The following RTF1 variants were observed in gnomAD, a reference collection of about 807,000 sequenced individuals.
RTF1 encodes the protein RNA polymerase-associated protein RTF1 homolog.
RTF1 carries 10 observed loss-of-function variants against 95.7 expected under a neutral mutation model. The ratio of observed to expected loss-of-function variants is 0.10; its 90% CI spans 0.06 to 0.18. The LOEUF is 0.18. Among genes scored for constraint, RTF1 ranks in the 10% least tolerant of loss-of-function variants. RTF1 has a pLI of 1.00. For synonymous variants in RTF1, 305 were observed against 311.8 expected (o/e 0.98, Z 0.23); for missense variants, 458 against 875.6 (o/e 0.52, Z 6.02).
chr15:41,428,672 A>G (rs1021254722), intron 1 of RTF1, among the ~76,000 whole-genome samples: 1 of 151,674 alleles, frequency 6.6e-6, no homozygotes, highest in Non-Finnish European at 1.5e-5. Context: ...TCCTGGCTTC[A>G]AGTGATCCTC....
intron 2 of RTF1, among the ~76,000 whole-genome samples, chr15:41,446,156 T>C (rs574800464): frequency 7.2e-4 from 110 of 152,304 alleles, no homozygotes; most frequent in African/African-American, 2.5e-3. Flanking sequence ...TATAGAACTT[T>C]TCTTATGATT....
chr15:41,468,410 T>C lies in RTF1; in HGVS notation c.890-1847T>C, dbSNP rs375956955. On this transcript the variant is annotated intron_variant, in intron 6 of 17. Transcript: ENST00000389629. Reference sequence around the variant, plus strand: ...TCGGCTCACTGCAAGCTCCGCCTCCTGGGTTCACACCATTCTCCTGCCTCA... The same window carrying C: ...TCGGCTCACTGCAAGCTCCGCCTCCCGGGTTCACACCATTCTCCTGCCTCA... Among the ~76,000 whole-genome samples, 928 of 151,788 alleles carry C rather than the reference T, an allele frequency of 6.1e-3. 6 individuals carry two copies. Among genetic ancestry groups the C allele is most frequent in the African/African-American group, 0.012 (494 of 41,392 alleles).
intron 16 of RTF1, among the ~76,000 whole-genome samples, chr15:41,479,815 A>G (rs2050961272): frequency 6.7e-6 from 1 of 149,882 alleles, no homozygotes; most frequent in African/African-American, 2.5e-5. Flanking sequence ...GTGAGCCAAG[A>G]TTGCACCGTT....
intron 2 of RTF1, among the ~76,000 whole-genome samples, chr15:41,442,487 G>T (rs1252767236): frequency 6.6e-6 from 1 of 151,794 alleles, no homozygotes; most frequent in Non-Finnish European, 1.5e-5. Flanking sequence ...GTCTTTCGTG[G>T]GTGAAAAAAC....
At chr15:41,443,567 G>A (rs933341840) in intron 2 of RTF1, among the ~76,000 whole-genome samples, 1 of 151,110 alleles carries the variant, frequency 6.6e-6, no homozygotes, top group Non-Finnish European at 1.5e-5. Flanking sequence ...GTGAAAAGGA[G>A]GGGAGCTAGC....
intron 4 of RTF1, among the ~76,000 whole-genome samples, chr15:41,459,966 A>G (rs1212511692): frequency 6.6e-6 from 1 of 152,180 alleles, no homozygotes; most frequent in Non-Finnish European, 1.5e-5. Context: ...GGAGAATAGA[A>G]GCATTTTCTT....
rs1342198809 is a variant in RTF1, at chr15:41,481,392, T to C, written c.*705T>C. 1.3e-5 allele frequency: 2 copies of C among 152,600 alleles called. No homozygotes were observed. Among genetic ancestry groups the C allele is most frequent in the Admixed American group, 6.5e-5 (1 of 15,276 alleles). The allele number at this position is 152,600 out of a possible 1,614,324, so 9.5% of individuals were successfully genotyped here. A position where few individuals can be genotyped will look rare whatever the true frequency, so the allele number is the denominator to read the frequency against. On this transcript the variant is annotated 3_prime_UTR_variant, in exon 18 of 18. Transcript: ENST00000389629. ...TGTTTCAGATTTTTTTCAGCTGTAC[T>C]TGAGCATCTGAAACTGCAAGAAAGA... is the stretch of plus-strand genomic sequence containing the variant.
At chr15:41,463,797 A>G (rs754265795) in intron 4 of RTF1, among the ~76,000 whole-genome samples, 12 of 151,034 alleles carry the variant, frequency 7.9e-5, no homozygotes, top group Non-Finnish European at 1.3e-4. Context: ...TTTTGTGATA[A>G]TAGCTATCCT....
chr15:41,459,999 A>T (rs150410036), intron 4 of RTF1, among the ~76,000 whole-genome samples: 31 of 152,190 alleles, frequency 2.0e-4, no homozygotes, highest in African/African-American at 7.2e-4. Flanking sequence ...GTTCCTTTTC[A>T]TCTGGGAGTT....
chr15:41,434,898 A>T (rs1241994281), intron 1 of RTF1, among the ~76,000 whole-genome samples: 1 of 151,326 alleles, frequency 6.6e-6, no homozygotes, highest in Non-Finnish European at 1.5e-5. Context: ...AAGTTCTGGG[A>T]TTACAGGCGT....
intron 4 of RTF1, 40 bp downstream of exon 4, chr15:41,457,916 C>T (rs757350562): frequency 6.6e-7 from 1 of 1,521,930 alleles, no homozygotes. Context: ...CCGCCCCCAC[C>T]TTTTCTGTTC....
At chr15:41,462,611 A>T (rs2054111165) in intron 4 of RTF1, among the ~76,000 whole-genome samples, 1 of 152,190 alleles carries the variant, frequency 6.6e-6, no homozygotes, top group South Asian at 2.1e-4. Context: ...TGGTTTTTAT[A>T]TGTCCACAGA....
chr15:41,447,845 G>A (rs2050771207), intron 2 of RTF1, among the ~76,000 whole-genome samples: 1 of 152,154 alleles, frequency 6.6e-6, no homozygotes, highest in African/African-American at 2.4e-5. Flanking sequence ...TTATAACAGA[G>A]CTTACCTTTC....
At chr15:41,467,638 C>T (rs546984154) in intron 6 of RTF1, among the ~76,000 whole-genome samples, 1 of 151,960 alleles carries the variant, frequency 6.6e-6, no homozygotes. Context: ...TCCCTTGAAC[C>T]CGGGAGACGG....
At chr15:41,420,555 C>T (rs1339936321) in intron 1 of RTF1, among the ~76,000 whole-genome samples, 1 of 151,950 alleles carries the variant, frequency 6.6e-6, no homozygotes. Flanking sequence ...GCGTATGGTA[C>T]TTGTGGAAGG....
intron 1 of RTF1, among the ~76,000 whole-genome samples, chr15:41,434,771 G>A (rs1055081480): frequency 4.6e-5 from 7 of 151,800 alleles, no homozygotes; most frequent in Non-Finnish European, 8.8e-5. Flanking sequence ...GGGATTACAG[G>A]CGCACATCAC....
Position 41,476,388 on chromosome 15 carries a change from C to T in RTF1, c.1483-58C>T. The T allele has an allele frequency of 2.1e-6, 3 of 1,457,464 alleles. No homozygotes were observed. In the South Asian group the frequency reaches 3.4e-5, roughly 17 times the overall value. 90.3% of individuals were successfully genotyped at this position (1,457,464 alleles called of 1,614,324 possible). ...TTGCATCCAAAATGGGCTCACTTAG[C>T]CTGTCTACAAAAATAGCTTAGGAAT... On this transcript the variant is annotated intron_variant, in intron 11 of 17. Coordinates refer to ENST00000389629, the MANE Select transcript of RTF1 (RefSeq NM_015138.5).
chr15:41,456,332 C>T (rs1443163299), intron 3 of RTF1, among the ~76,000 whole-genome samples: 1 of 142,756 alleles, frequency 7.0e-6, no homozygotes, highest in Non-Finnish European at 1.5e-5. Context: ...TAAAAAAATA[C>T]AAAAAAATTA....
intron 8 of RTF1, 23 bp from the exon 9 acceptor site, chr15:41,474,597 G>A: frequency 6.4e-7 from 1 of 1,573,444 alleles, no homozygotes. Flanking sequence ...GGTTTTGACT[G>A]GCGTCTCTGT....
Sources: gnomAD v4.1 joint callset for allele counts (sites outside exome capture counted in the v4.1 genomes callset) on GRCh38, gnomAD v4.1.1 for gene constraint, MANE v1.5 for transcripts, NCBI Gene and HGNC (gene_info 2026-07-23, HGNC 2026-07-21) for gene names.